FBN2: variants seen among roughly 807,000 people sequenced by gnomAD.
The protein encoded by FBN2 is fibrillin 2, also known as fibrillin-2.
Under a neutral mutation model 355.6 loss-of-function variants are expected in FBN2, and 105 were observed. The observed-to-expected ratio is 0.30, with a 90% CI of 0.25 to 0.35. The LOEUF is 0.35. FBN2 is among the 10% of genes least tolerant of loss of function. The pLI, the probability that FBN2 is intolerant of heterozygous loss-of-function variation, is 1.00. For synonymous variants in FBN2, 1,350 were observed against 1,301.2 expected (o/e 1.04, Z -0.81); for missense variants, 3,280 against 3,758.7 (o/e 0.87, Z 3.33).
Position 128,287,289 on chromosome 5 carries a change from C to A in FBN2, c.6880+19G>T, listed in dbSNP as rs547158654. 2 of 1,613,576 alleles carry A rather than the reference C, an allele frequency of 1.2e-6. No homozygotes were observed. Among genetic ancestry groups the A allele is most frequent in the South Asian group, 1.1e-5 (1 of 91,026 alleles). The stretch of plus-strand genomic sequence containing the variant: ...CATGACAAATAAAGTTCGAACTACT[C>A]CCGAGTCTGAGGCCTTACCTTTGCA... On this transcript the variant is annotated intron_variant, in intron 54 of 64. Coordinates refer to ENST00000262464, the MANE Select transcript of FBN2 (RefSeq NM_001999.4).
intron 48 of FBN2, among the ~76,000 whole-genome samples, chr5:128,296,910 G>C (rs566182997): frequency 6.6e-6 from 1 of 152,108 alleles, no homozygotes; most frequent in African/African-American, 2.4e-5. Flanking sequence ...TGCTTTTCTA[G>C]TTCTTTTAAT....
At chr5:128,380,037 A>G (rs569947760) in intron 11 of FBN2, among the ~76,000 whole-genome samples, 1 of 152,228 alleles carries the variant, frequency 6.6e-6, no homozygotes, top group Admixed American at 6.5e-5. Flanking sequence ...CCCTTCTGGT[A>G]AAGGAAATAA....
intron 15 of FBN2, chr5:128,371,159 G>A (rs1751923336): frequency 6.6e-6 from 1 of 152,086 alleles, no homozygotes; most frequent in Admixed American, 6.6e-5. Flanking sequence ...AGTTCTATCT[G>A]TAACTGATAC....
chr5:128,511,684 T>C (rs1581360937), intron 5 of FBN2, among the ~76,000 whole-genome samples: 1 of 152,190 alleles, frequency 6.6e-6, no homozygotes, highest in Admixed American at 6.5e-5. Context: ...AATGGATATA[T>C]GGCAGGTAAA....
In FBN2 at chr5:128,408,500, T is replaced by G. The variant is rs537573955; in HGVS notation, c.1078+174A>C. Among the ~76,000 whole-genome samples, 13 of 152,314 alleles carry G rather than the reference T, an allele frequency of 8.5e-5. No individual in the cohort carries two copies. In the South Asian group the frequency reaches 1.7e-3, roughly 19 times the overall value. Reference sequence around the variant, plus strand: ...ACCCAGTTGGATTCTGAAACTGAAGTCTTTGCAAAGAGTACCTGGTCTATC... The same window carrying G: ...ACCCAGTTGGATTCTGAAACTGAAGGCTTTGCAAAGAGTACCTGGTCTATC... On this transcript the variant is annotated intron_variant, in intron 8 of 64. Coordinates refer to ENST00000262464, the MANE Select transcript of FBN2 (RefSeq NM_001999.4).
intron 33 of FBN2, among the ~76,000 whole-genome samples, chr5:128,329,659 T>C (rs768719419): frequency 2.6e-5 from 4 of 152,190 alleles, no homozygotes; most frequent in Admixed American, 6.5e-5. Context: ...CCAGGAAAGA[T>C]GCAAACTCTA....
intron 15 of FBN2, among the ~76,000 whole-genome samples, chr5:128,371,668 G>A (rs964640539): frequency 6.6e-6 from 1 of 151,910 alleles, no homozygotes; most frequent in Non-Finnish European, 1.5e-5. Context: ...TGAGTAGCTG[G>A]GATTACAGGT....
At chr5:128,337,796 C>T (rs1403553074) in intron 27 of FBN2, among the ~76,000 whole-genome samples, 1 of 152,186 alleles carries the variant, frequency 6.6e-6, no homozygotes, top group African/African-American at 2.4e-5. Flanking sequence ...AGAGGCCAAC[C>T]AGAAGAATGC....
At chr5:128,276,764 C>T (rs1765403943) in intron 58 of FBN2, among the ~76,000 whole-genome samples, 1 of 152,198 alleles carries the variant, frequency 6.6e-6, no homozygotes, top group African/African-American at 2.4e-5. Flanking sequence ...GAGGTCCTCT[C>T]AAGGCAGTCC....
rs1423730784 is a variant in FBN2 at position 128,493,171 on chromosome 5, TA to T, written c.628+26101del. 3.3e-5 allele frequency among the ~76,000 whole-genome samples: 5 copies of T among 152,242 alleles called. No homozygotes were observed. The East Asian group carries it at 9.7e-4, about 29-fold the overall frequency. On this transcript the variant is annotated intron_variant, in intron 5 of 64. Coordinates refer to ENST00000262464, the MANE Select transcript of FBN2 (RefSeq NM_001999.4). Reference sequence around the variant, plus strand: ...GAATGCTAGATGTACACAGTAAGTGTAATGAGGGATTCTGAGAGGGGGACTC... The same window carrying T: ...GAATGCTAGATGTACACAGTAAGTGTATGAGGGATTCTGAGAGGGGGACTC...
chr5:128,536,323 A>G, intron 2 of FBN2, 79 bp downstream of exon 2: 1 of 1,098,932 alleles, frequency 9.1e-7, no homozygotes, highest in African/African-American at 1.5e-5. Context: ...CTATGCGTCC[A>G]AATGGCTGAG....
chr5:128,365,563 A>G (rs951962985), intron 17 of FBN2, among the ~76,000 whole-genome samples: 17 of 151,902 alleles, frequency 1.1e-4, no homozygotes, highest in Admixed American at 8.5e-4. Flanking sequence ...TCTGGTTTGG[A>G]TATTTATTAT....
At chr5:128,310,515 T>C (rs987044862) in intron 39 of FBN2, among the ~76,000 whole-genome samples, 1 of 151,664 alleles carries the variant, frequency 6.6e-6, no homozygotes, top group African/African-American at 2.4e-5. Context: ...TTAAAGTGAA[T>C]GCAGGTTGGG....
intron 2 of FBN2, among the ~76,000 whole-genome samples, chr5:128,533,146 A>G (rs1756750125): frequency 6.6e-6 from 1 of 152,246 alleles, no homozygotes; most frequent in South Asian, 2.1e-4. Context: ...CTTACTTCTT[A>G]AAATGTACTA....
At position 128,259,503 on chromosome 5, in the gene FBN2, C is replaced by T. The variant is rs184109554; in HGVS notation, c.8691G>A (p.Gly2897=). 2.0e-5 allele frequency: 32 copies of T among 1,613,552 alleles called. No individual in the cohort carries two copies. The Admixed American group carries it at 2.8e-4, about 14-fold the overall frequency. The change falls in exon 65 of 65, where the codon GGG becomes GGA. Residue 2897 remains glycine, a synonymous_variant. Transcript: ENST00000262464. Reference sequence around the variant, plus strand: ...TCATTCTGAGAGCCTCCCCAAGCTCCCCTAGGAGGTAGTCATCCTCATTGC... The same window carrying T: ...TCATTCTGAGAGCCTCCCCAAGCTCTCCTAGGAGGTAGTCATCCTCATTGC... ...EESNEDDYLL[G]ELGEALRMRL...
At chr5:128,282,749 T>C (rs1749011747) in intron 55 of FBN2, among the ~76,000 whole-genome samples, 1 of 152,192 alleles carries the variant, frequency 6.6e-6, no homozygotes, top group Non-Finnish European at 1.5e-5. Flanking sequence ...TTGTACTTTC[T>C]ACCCTTTGAC....
intron 2 of FBN2, among the ~76,000 whole-genome samples, chr5:128,532,451 T>C (rs1259513067): frequency 6.6e-6 from 1 of 152,200 alleles, no homozygotes; most frequent in African/African-American, 2.4e-5. Context: ...TTAGAGACAG[T>C]TCATTTAGGA....
chr5:128,335,120 T>A lies in FBN2; in HGVS notation c.3973+50A>T, dbSNP rs374359674. 16 of 1,610,730 alleles carry A rather than the reference T, an allele frequency of 9.9e-6. No homozygotes were observed. In the African/African-American group the frequency reaches 2.1e-4, roughly 22 times the overall value. ...TATCACGCTTGTGTGTGCATGTGGG[T>A]GTGTGTGCATGTGTGTGTATAAATG... On this transcript the variant is annotated intron_variant, in intron 30 of 64. Coordinates refer to ENST00000262464, the MANE Select transcript of FBN2 (RefSeq NM_001999.4).
At chr5:128,385,090 A>T (rs904062499) in intron 11 of FBN2, among the ~76,000 whole-genome samples, 2 of 152,106 alleles carry the variant, frequency 1.3e-5, no homozygotes, top group Non-Finnish European at 2.9e-5. Flanking sequence ...CAGGGAGTAC[A>T]AGTGCAGGTT....
Sources: gnomAD v4.1 joint callset for allele counts (sites outside exome capture counted in the v4.1 genomes callset) on GRCh38, gnomAD v4.1.1 for gene constraint, MANE v1.5 for transcripts, NCBI Gene and HGNC (gene_info 2026-07-23, HGNC 2026-07-21) for gene names.